LRFN2: variants seen among roughly 807,000 people sequenced by gnomAD.
LRFN2 encodes the protein leucine rich repeat and fibronectin type III domain containing 2.
LRFN2 carries 18 observed loss-of-function variants against 37.3 expected under a neutral mutation model. The ratio of observed to expected loss-of-function variants is 0.48; its 90% CI spans 0.33 to 0.72. The LOEUF (loss-of-function observed/expected upper bound fraction) is 0.72, where lower values mean the gene tolerates loss of function less well. Ranked by LOEUF, LRFN2 falls within the 30% of genes least tolerant of loss-of-function variation. LRFN2 has a pLI of 0.02. For missense variants in LRFN2, 1,006 were observed against 1,060.7 expected (o/e 0.95, Z 0.72); for synonymous variants, 556 against 466.6 (o/e 1.19, Z -2.47).
At chr6:40,581,712 T>G (rs1410744778) in intron 1 of LRFN2, among the ~76,000 whole-genome samples, 5 of 152,192 alleles carry the variant, frequency 3.3e-5, no homozygotes, top group Admixed American at 3.3e-4. Context: ...TTCCAGGAGC[T>G]CAGAAAGTCA....
chr6:40,581,235 C>G (rs1261453499), intron 1 of LRFN2, among the ~76,000 whole-genome samples: 1 of 152,214 alleles, frequency 6.6e-6, no homozygotes, highest in Non-Finnish European at 1.5e-5. Context: ...CAAGTAACTT[C>G]CAGGGCCTAG....
At chr6:40,529,448 A>G (rs1035203542) in intron 1 of LRFN2, among the ~76,000 whole-genome samples, 1 of 152,248 alleles carries the variant, frequency 6.6e-6, no homozygotes, top group African/African-American at 2.4e-5. Context: ...TGTTTCCTGC[A>G]GGTGGTCAAT....
chr6:40,562,854 C>T (rs934998606), intron 1 of LRFN2, among the ~76,000 whole-genome samples: 2 of 151,968 alleles, frequency 1.3e-5, no homozygotes, highest in East Asian at 1.9e-4. Context: ...CACACACACA[C>T]ACACACACAC....
intron 1 of LRFN2, among the ~76,000 whole-genome samples, chr6:40,549,116 T>C (rs1398811597): frequency 1.3e-5 from 2 of 152,198 alleles, no homozygotes; most frequent in African/African-American, 2.4e-5. Context: ...ACAAAGATGT[T>C]GCCATTCAGG....
At chr6:40,431,621 G>A (rs1261907950) in intron 2 of LRFN2, 93 bp downstream of exon 2, 14 of 1,095,380 alleles carry the variant, frequency 1.3e-5, no homozygotes, top group Non-Finnish European at 1.6e-5. Flanking sequence ...TGGGGAAGAG[G>A]GGTATAGGTG....
intron 2 of LRFN2, among the ~76,000 whole-genome samples, chr6:40,426,014 G>A (rs1258395656): frequency 1.3e-5 from 2 of 152,140 alleles, no homozygotes; most frequent in Non-Finnish European, 2.9e-5. Context: ...CTGGTGACCT[G>A]TCAATGGCCT....
chr6:40,478,754 G>T (rs1263904282), intron 1 of LRFN2, among the ~76,000 whole-genome samples: 1 of 152,162 alleles, frequency 6.6e-6, no homozygotes, highest in Non-Finnish European at 1.5e-5. Context: ...ATGTGCATGT[G>T]TGTATGTGTG....
chr6:40,419,705 A>C (rs941112902), intron 2 of LRFN2, among the ~76,000 whole-genome samples: 5 of 152,066 alleles, frequency 3.3e-5, no homozygotes, highest in Non-Finnish European at 7.4e-5. Context: ...GGTTTCACCC[A>C]AAACAGCTAC....
chr6:40,582,667 C>T (rs987285365), intron 1 of LRFN2, among the ~76,000 whole-genome samples: 2 of 149,832 alleles, frequency 1.3e-5, no homozygotes, highest in Non-Finnish European at 3.0e-5. Flanking sequence ...TTCAGGGCCC[C>T]CATACCTTCT....
At chr6:40,442,968 G>A (rs995059188) in intron 1 of LRFN2, among the ~76,000 whole-genome samples, 4 of 152,152 alleles carry the variant, frequency 2.6e-5, no homozygotes, top group Non-Finnish European at 4.4e-5. Flanking sequence ...TGTGTGTGGT[G>A]TAACATCACC....
chr6:40,538,765 G>A (rs115502231), intron 1 of LRFN2, among the ~76,000 whole-genome samples: 2,734 of 152,306 alleles, frequency 0.018, 43 homozygotes, highest in Admixed American at 0.035. Context: ...AGATATGCCC[G>A]TTGTGTGTCA....
intron 1 of LRFN2, among the ~76,000 whole-genome samples, chr6:40,563,722 G>A (rs1767041164): frequency 1.3e-5 from 2 of 152,118 alleles, no homozygotes; most frequent in South Asian, 2.1e-4. Flanking sequence ...TAGAAATCAA[G>A]GTAGAAACAA....
At chr6:40,460,070 G>A (rs1187436670) in intron 1 of LRFN2, among the ~76,000 whole-genome samples, 1 of 152,192 alleles carries the variant, frequency 6.6e-6, no homozygotes, top group Non-Finnish European at 1.5e-5. Context: ...AATATTGATG[G>A]CAGAGAAGGT....
At chr6:40,453,707 A>C (rs1260878127) in intron 1 of LRFN2, among the ~76,000 whole-genome samples, 11 of 152,168 alleles carry the variant, frequency 7.2e-5, no homozygotes, top group Non-Finnish European at 1.6e-4. Context: ...GATATGCAGG[A>C]GTATTTTGAG....
At chr6:40,557,213 C>G (rs1208650430) in intron 1 of LRFN2, among the ~76,000 whole-genome samples, 1 of 152,208 alleles carries the variant, frequency 6.6e-6, no homozygotes, top group African/African-American at 2.4e-5. Flanking sequence ...AGCACATGGC[C>G]CACCTTTTGC....
chr6:40,426,676 T>C (rs1763360896), intron 2 of LRFN2, among the ~76,000 whole-genome samples: 1 of 152,210 alleles, frequency 6.6e-6, no homozygotes, highest in Non-Finnish European at 1.5e-5. Flanking sequence ...TTTTCCTCTT[T>C]TCCACCCACA....
At chr6:40,579,579 A>C (rs1767355199) in intron 1 of LRFN2, among the ~76,000 whole-genome samples, 1 of 150,772 alleles carries the variant, frequency 6.6e-6, no homozygotes, top group Non-Finnish European at 1.5e-5. Context: ...TGTGACCTTG[A>C]CTGACTCCTA....
At chr6:40,491,773 AC>A (rs1765103155) in intron 1 of LRFN2, among the ~76,000 whole-genome samples, 1 of 42,220 alleles carries the variant, frequency 2.4e-5, no homozygotes, top group Non-Finnish European at 4.2e-5. Context: ...TGTTTCCCTC[AC>A]TCTATTTTGC....
At chr6:40,467,535 C>A (rs891484633) in intron 1 of LRFN2, among the ~76,000 whole-genome samples, 2 of 152,142 alleles carry the variant, frequency 1.3e-5, no homozygotes, top group African/African-American at 4.8e-5. Flanking sequence ...TGACTCTTGG[C>A]AAAGTCCAGA....
Sources: allele counts gnomAD v4.1 joint callset (sites outside exome capture counted in the v4.1 genomes callset), GRCh38; gene constraint gnomAD v4.1.1; transcripts MANE v1.5; gene names NCBI Gene and HGNC (gene_info 2026-07-23, HGNC 2026-07-21).